GRIA4: variants seen among roughly 807,000 people sequenced by gnomAD.
GRIA4 encodes glutamate receptor 4.
In GRIA4, 34 loss-of-function variants were observed where a neutral mutation model predicts 104.0. That is an observed-to-expected ratio of 0.33 (90% CI 0.25 to 0.44). The LOEUF (loss-of-function observed/expected upper bound fraction) is 0.44. Among genes scored for constraint, GRIA4 ranks in the 20% least tolerant of loss-of-function variants. The pLI is 1.00. For synonymous variants in GRIA4, 386 were observed against 381.9 expected (o/e 1.01, Z -0.13); for missense variants, 750 against 1,096.5 (o/e 0.68, Z 4.46).
chr11:105,934,098 A>C (rs1947961527), intron 14 of GRIA4, 129 bp downstream of exon 14: 1 of 802,352 alleles, frequency 1.2e-6, no homozygotes, highest in South Asian at 2.0e-5. Context: ...CTTTTTCTCC[A>C]TTTCATATAT....
At position 105,981,701 on chromosome 11, in the gene GRIA4, C is replaced by T. The variant is rs1052571025; in HGVS notation, c.*1962C>T. On this transcript the variant is annotated 3_prime_UTR_variant, in exon 17 of 17. Coordinates refer to ENST00000282499, the MANE Select transcript of GRIA4 (RefSeq NM_000829.4). ...TCTCTCACTTCTATCCAGCTATTCC[C>T]GTCAGCAAATGAACCTCCAAAGCAG... The T allele has an allele frequency of 6.6e-6, 1 of 152,510 alleles. No homozygotes were observed. The highest frequency in any genetic ancestry group is 6.6e-5 in the Admixed American group (1 of 15,250). The allele number at this position is 152,510 out of a possible 1,614,324, so 9.4% of individuals were successfully genotyped here.
In GRIA4 at chr11:105,944,439, T is replaced by C. The variant is rs558456360; in HGVS notation, c.2294+10470T>C. ...AATCAATTGTCTGGTATTTGTTTTT[T>C]TATGGGAGCCAATCACCCACCATCT... On this transcript the variant is annotated intron_variant, in intron 14 of 16. Transcript: ENST00000282499. 2.6e-5 allele frequency among the ~76,000 whole-genome samples: 4 copies of C among 152,266 alleles called. No individual in the cohort carries two copies. The East Asian group carries it at 7.7e-4, about 29-fold the overall frequency.
In GRIA4 at chr11:105,840,070, G is replaced by T. The variant is rs531569824; in HGVS notation, c.488-21954G>T. Among the ~76,000 whole-genome samples, 25 of 152,126 alleles carry T rather than the reference G, an allele frequency of 1.6e-4. 1 individual carries two copies. Among genetic ancestry groups the T allele is most frequent in the African/African-American group, 5.8e-4 (24 of 41,528 alleles). On this transcript the variant is annotated intron_variant, in intron 4 of 16. Coordinates refer to ENST00000282499, the MANE Select transcript of GRIA4 (RefSeq NM_000829.4). ...ACTATTACCAAAGTGAAGTTATATT[G>T]TCTTATAAGTTTATACAAATCAAAA...
chr11:105,957,369 T>A (rs1276569387), intron 14 of GRIA4, among the ~76,000 whole-genome samples: 1 of 152,222 alleles, frequency 6.6e-6, no homozygotes, highest in Non-Finnish European at 1.5e-5. Context: ...AAATAGGGAA[T>A]CCTTTCCCCA....
chr11:105,857,330 T>A (rs535140114), intron 4 of GRIA4, among the ~76,000 whole-genome samples: 1 of 152,254 alleles, frequency 6.6e-6, no homozygotes, highest in South Asian at 2.1e-4. Context: ...CAGTTTTGGA[T>A]ACTGACAAAT....
intron 4 of GRIA4, among the ~76,000 whole-genome samples, chr11:105,779,270 C>T (rs1941602019): frequency 6.6e-6 from 1 of 152,054 alleles, no homozygotes; most frequent in Non-Finnish European, 1.5e-5. Context: ...CTACAAACCA[C>T]TGCTCAATGA....
At chr11:105,973,016 T>G (rs1858776738) in intron 15 of GRIA4, among the ~76,000 whole-genome samples, 1 of 152,222 alleles carries the variant, frequency 6.6e-6, no homozygotes, top group Non-Finnish European at 1.5e-5. Context: ...TTTAATCATT[T>G]CTGTCTGCCC....
At chr11:105,927,788 T>C (rs894355893) in intron 13 of GRIA4, among the ~76,000 whole-genome samples, 1 of 152,150 alleles carries the variant, frequency 6.6e-6, no homozygotes, top group Middle Eastern at 3.4e-3. Flanking sequence ...ATTCATTTTG[T>C]GACTTCAAAA....
intron 4 of GRIA4, among the ~76,000 whole-genome samples, chr11:105,817,227 T>C (rs972499718): frequency 1.3e-5 from 2 of 151,504 alleles, no homozygotes; most frequent in African/African-American, 4.9e-5. Context: ...TGGTAAATCA[T>C]CATTTTTCTC....
chr11:105,695,653 A>C (rs1377034554), intron 3 of GRIA4, among the ~76,000 whole-genome samples: 1 of 152,182 alleles, frequency 6.6e-6, no homozygotes, highest in Non-Finnish European at 1.5e-5. Flanking sequence ...CTCTGACTGC[A>C]TTTGGAGCAT....
At chr11:105,783,969 T>A (rs2135781989) in intron 4 of GRIA4, among the ~76,000 whole-genome samples, 1 of 152,322 alleles carries the variant, frequency 6.6e-6, no homozygotes, top group East Asian at 1.9e-4. Context: ...TAGACCAGAA[T>A]AGACTTGTTT....
intron 14 of GRIA4, among the ~76,000 whole-genome samples, chr11:105,938,833 G>A (rs749017129): frequency 2.0e-5 from 3 of 152,088 alleles, no homozygotes; most frequent in African/African-American, 4.8e-5. Context: ...CATGGTAAAG[G>A]TATCAATGCC....
At chr11:105,649,360 T>A (rs977309568) in intron 3 of GRIA4, among the ~76,000 whole-genome samples, 17 of 152,208 alleles carry the variant, frequency 1.1e-4, no homozygotes, top group African/African-American at 4.1e-4. Context: ...AAAACTTTGA[T>A]ATAGAATGTG....
chr11:105,834,757 A>C (rs530162374), intron 4 of GRIA4, among the ~76,000 whole-genome samples: 1 of 148,198 alleles, frequency 6.7e-6, no homozygotes, highest in Non-Finnish European at 1.5e-5. Context: ...GCATGAGCCA[A>C]TAAGTTCAGT....
intron 3 of GRIA4, chr11:105,706,635 T>C (rs1953711894): frequency 6.5e-6 from 1 of 152,982 alleles, no homozygotes; most frequent in Non-Finnish European, 1.5e-5. Flanking sequence ...ACTGCCACTG[T>C]ACTGTTGCCA....
At chr11:105,715,452 A>T (rs1040710173) in intron 3 of GRIA4, among the ~76,000 whole-genome samples, 7 of 152,160 alleles carry the variant, frequency 4.6e-5, no homozygotes, top group Non-Finnish European at 1.0e-4. Context: ...GATGACCAAG[A>T]AGCCTACAGA....
In GRIA4 at chr11:105,905,093, T is replaced by C. The variant is rs1003567980; in HGVS notation, c.1054-104T>C. The C allele has an allele frequency of 4.7e-5, 32 of 674,230 alleles. No homozygotes were observed. The East Asian group carries it at 7.9e-4, about 17-fold the overall frequency. The allele number at this position is 674,230 out of a possible 1,614,324, so 41.8% of individuals were successfully genotyped here. A position where few individuals can be genotyped will look rare whatever the true frequency, so the allele number is the denominator to read the frequency against. Reference sequence around the variant, plus strand: ...TGGCATTTCAGTTAGTTGGTTATAGTTTATAGTTCTACTTTTTTAAGTAGT... The same window carrying C: ...TGGCATTTCAGTTAGTTGGTTATAGCTTATAGTTCTACTTTTTTAAGTAGT... On this transcript the variant is annotated intron_variant, in intron 8 of 16. Transcript: ENST00000282499.
intron 4 of GRIA4, among the ~76,000 whole-genome samples, chr11:105,807,573 A>G (rs2135858272): frequency 6.6e-6 from 1 of 152,044 alleles, no homozygotes; most frequent in Admixed American, 6.6e-5. Context: ...CTGTCTTGAT[A>G]AACTGGTATC....
At chr11:105,782,883 G>T (rs188280531) in intron 4 of GRIA4, among the ~76,000 whole-genome samples, 2 of 152,244 alleles carry the variant, frequency 1.3e-5, no homozygotes, top group African/African-American at 4.8e-5. Flanking sequence ...TTACTGGCTG[G>T]TTTCTCAACT....
Sources: allele counts gnomAD v4.1 joint callset (sites outside exome capture counted in the v4.1 genomes callset), GRCh38; gene constraint gnomAD v4.1.1; transcripts MANE v1.5; gene names NCBI Gene and HGNC (gene_info 2026-07-23, HGNC 2026-07-21).